The following CLSTN3 variants were observed in gnomAD, a reference collection of about 807,000 sequenced individuals.
CLSTN3 encodes the protein calsyntenin-3.
In CLSTN3, 36 loss-of-function variants were observed where a neutral mutation model predicts 95.9. The ratio of observed to expected loss-of-function variants is 0.38; its 90% CI spans 0.29 to 0.50. The LOEUF (loss-of-function observed/expected upper bound fraction) is 0.50, where lower values mean the gene tolerates loss of function less well. CLSTN3 is among the 20% of genes least tolerant of loss of function. CLSTN3 has a pLI of 0.95. For missense variants in CLSTN3, 1,084 were observed against 1,268.8 expected, an observed-to-expected ratio of 0.85 and a Z score of 2.21; for synonymous variants, 481 against 504.0, an observed-to-expected ratio of 0.95 and a Z score of 0.61.
rs1392462636 is a variant in CLSTN3 at position 7,133,451 on chromosome 12, T to C, written c.188-122T>C. On this transcript the variant is annotated intron_variant, in intron 2 of 17. Coordinates refer to ENST00000266546, the MANE Select transcript of CLSTN3 (RefSeq NM_014718.4). The surrounding 1 kb of genome is among the most constrained non-coding windows in gnomAD (Gnocchi z 4.7). ...TTGCGTGTTTGATCATTAATGCTTT[T>C]GTGCCTACAGGAGAAGGGACAGGGC... The C allele has an allele frequency of 8.2e-6, 8 of 975,566 alleles. No homozygotes were observed. Among genetic ancestry groups the C allele is most frequent in the African/African-American group, 1.6e-5 (1 of 61,382 alleles). The allele number at this position is 975,566 out of a possible 1,614,324, so 60.4% of individuals were successfully genotyped here.
chr12:7,156,731 T>C (rs1221451754), intron 16 of CLSTN3: 1 of 456,672 alleles, frequency 2.2e-6, no homozygotes, highest in Non-Finnish European at 4.4e-6. Context: ...CGCACCGTTC[T>C]GTGTCTCAGT....
intron 12 of CLSTN3, among the ~76,000 whole-genome samples, chr12:7,147,510 C>A (rs1401872648): frequency 1.3e-5 from 1 of 75,810 alleles, no homozygotes; most frequent in Non-Finnish European, 2.2e-5. Flanking sequence ...TCTTTCTTTT[C>A]TTTTCTTCTT....
intron 16 of CLSTN3, among the ~76,000 whole-genome samples, chr12:7,153,423 G>A (rs977356064): frequency 6.6e-6 from 1 of 152,174 alleles, no homozygotes; most frequent in African/African-American, 2.4e-5. Context: ...GGGATTACAG[G>A]TGTGAGCCGC....
chr12:7,143,336 A>T (rs1245236613), intron 12 of CLSTN3, 25 bp downstream of exon 12: 1 of 1,596,860 alleles, frequency 6.3e-7, no homozygotes, highest in Non-Finnish European at 8.5e-7. Context: ...GGGCAGGGCA[A>T]ATCACCAAGC....
intron 12 of CLSTN3, among the ~76,000 whole-genome samples, chr12:7,143,742 G>C (rs527283009): frequency 6.6e-6 from 1 of 152,194 alleles, no homozygotes; most frequent in Non-Finnish European, 1.5e-5. Context: ...GCAAGGTCAC[G>C]TACGATGGCC....
chr12:7,148,616 G>A (rs1056087161), intron 12 of CLSTN3, among the ~76,000 whole-genome samples: 1 of 152,196 alleles, frequency 6.6e-6, no homozygotes, highest in Non-Finnish European at 1.5e-5. Context: ...AACTGTGTGT[G>A]TATATATACC....
In CLSTN3 at chr12:7,141,232, A is replaced by G. The variant is rs760573563; in HGVS notation, c.1324-10A>G. 21 of 1,612,172 alleles carry G rather than the reference A, an allele frequency of 1.3e-5. No individual in the cohort carries two copies. The highest frequency in any genetic ancestry group is 1.8e-5 in the Non-Finnish European group (21 of 1,179,120). On this transcript the variant is annotated splice_polypyrimidine_tract_variant and intron_variant, in intron 8 of 17. Coordinates refer to ENST00000266546, the MANE Select transcript of CLSTN3 (RefSeq NM_014718.4). This position sits in a 1 kb window ranked among gnomAD's most constrained non-coding sequence, Gnocchi z 4.1. ...CCTGAGAGGCTCTTGCCCCTACCCT[A>G]CTCTCCCAGGTCTGTGATGATGAGT...
At chr12:7,154,440 A>G (rs896017264) in intron 16 of CLSTN3, among the ~76,000 whole-genome samples, 2 of 152,170 alleles carry the variant, frequency 1.3e-5, no homozygotes, top group African/African-American at 4.8e-5. Context: ...CTGAACTGTA[A>G]AAGGGATTTT....
At position 7,137,412 on chromosome 12, in the gene CLSTN3, G is replaced by A. The variant is rs933178018; in HGVS notation, c.1210+302G>A. Reference sequence around the variant, plus strand: ...ACCCCCCATCTCCACCTCCATTAAAGCCCCTCCATTGCAATGGGAAAGCCT... The same window carrying A: ...ACCCCCCATCTCCACCTCCATTAAAACCCCTCCATTGCAATGGGAAAGCCT... On this transcript the variant is annotated intron_variant, in intron 7 of 17. Transcript: ENST00000266546. This position sits in a 1 kb window ranked among gnomAD's most constrained non-coding sequence, Gnocchi z 4.4. 9.7e-5 allele frequency: 38 copies of A among 391,312 alleles called. No individual in the cohort carries two copies. Among genetic ancestry groups the A allele is most frequent in the South Asian group, 7.7e-4 (26 of 33,640 alleles). The allele number at this position is 391,312 out of a possible 1,614,324, so 24.2% of individuals were successfully genotyped here.
At chr12:7,153,161 CT>C (rs1465740004) in intron 16 of CLSTN3, among the ~76,000 whole-genome samples, 3 of 152,100 alleles carry the variant, frequency 2.0e-5, no homozygotes, top group Non-Finnish European at 4.4e-5. Context: ...ACCGCAGAGG[CT>C]TTTGGGAGGG....
chr12:7,143,139 G>T, intron 11 of CLSTN3, 24 bp from the exon 12 acceptor site: 1 of 1,609,312 alleles, frequency 6.2e-7, no homozygotes, highest in Non-Finnish European at 8.5e-7. Context: ...CCTGCTCTCA[G>T]CTGTATCTGT....
chr12:7,157,727 A>C lies in CLSTN3; in HGVS notation c.2730+36A>C, dbSNP rs1327289790. ...TGGGGAAGCGGGGTTCTGTAGGGTCAAGACTGTGGAGCACACACGGTGAGG... is the reference window on the plus strand; with the variant it reads ...TGGGGAAGCGGGGTTCTGTAGGGTCCAGACTGTGGAGCACACACGGTGAGG... On this transcript the variant is annotated intron_variant, in intron 17 of 17. Coordinates refer to ENST00000266546, the MANE Select transcript of CLSTN3 (RefSeq NM_014718.4). The surrounding 1 kb of genome is among the most constrained non-coding windows in gnomAD (Gnocchi z 5.9). The C allele has an allele frequency of 4.5e-6, 7 of 1,546,768 alleles. No individual in the cohort carries two copies. In the African/African-American group the frequency reaches 9.6e-5, roughly 21 times the overall value.
In CLSTN3 at chr12:7,150,718, G is replaced by A; in HGVS notation, c.2391+29G>A. ...CCCAGAGAGTCTCCTTCCTTCCACAGTTACCCACCCCCAGAAAGGAGCTGA... is the reference window on the plus strand; with the variant it reads ...CCCAGAGAGTCTCCTTCCTTCCACAATTACCCACCCCCAGAAAGGAGCTGA... On this transcript the variant is annotated intron_variant, in intron 15 of 17. Transcript: ENST00000266546. This position sits in a 1 kb window ranked among gnomAD's most constrained non-coding sequence, Gnocchi z 4.0. 6.2e-7 allele frequency: 1 copy of A among 1,605,028 alleles called. No homozygotes were observed. The highest frequency in any genetic ancestry group is 8.5e-7 in the Non-Finnish European group (1 of 1,172,438).
intron 16 of CLSTN3, among the ~76,000 whole-genome samples, chr12:7,152,058 GAA>G (rs779248525): frequency 4.4e-5 from 3 of 67,904 alleles, no homozygotes; most frequent in South Asian, 4.7e-4. Context: ...TGTCTCAAAG[GAA>G]AAAAAAAAAA....
intron 6 of CLSTN3, 48 bp from the exon 7 acceptor site, chr12:7,136,781 T>C: frequency 1.3e-6 from 2 of 1,598,692 alleles, no homozygotes; most frequent in Non-Finnish European, 8.6e-7. Flanking sequence ...CTTTTCACCA[T>C]CTGCTGCTTC....
intron 1 of CLSTN3, 76 bp from the exon 2 acceptor site, chr12:7,132,948 G>A (rs368483458): frequency 1.3e-6 from 2 of 1,599,114 alleles, no homozygotes; most frequent in African/African-American, 1.3e-5. Context: ...TGAGTTGTCT[G>A]GGTCAACAAG....
Position 7,136,190 on chromosome 12 carries a change from T to C in CLSTN3, c.743-16T>C. On this transcript the variant is annotated splice_polypyrimidine_tract_variant and intron_variant, in intron 5 of 17. Transcript: ENST00000266546. ...CCTTCTCTCTCCCCATCACCCTCTC[T>C]GTCTCACCCATGCAGGCTGGAACAA... 6.2e-7 allele frequency: 1 copy of C among 1,611,238 alleles called. No individual in the cohort carries two copies. The highest frequency in any genetic ancestry group is 1.1e-5 in the South Asian group (1 of 90,596).
rs755469584 is a variant in CLSTN3 at position 7,133,700 on chromosome 12, C to T, written c.315C>T (p.His105=). Residue 105 remains histidine, a synonymous_variant, in exon 3 of 18, where the codon CAC becomes CAT. Transcript: ENST00000266546. The surrounding 1 kb of genome is among the most constrained non-coding windows in gnomAD (Gnocchi z 4.7). The stretch of plus-strand genomic sequence containing the variant: ...TGGACTGCGAGGCCCAGAAGGAACA[C>T]ACCTTCACCATCCAGGCCTATGACT... ...EPVDCEAQKE[H]TFTIQAYDCG... is the part of the protein sequence containing the mutation. 4.3e-6 allele frequency: 7 copies of T among 1,613,864 alleles called. No individual in the cohort carries two copies. In the South Asian group the frequency reaches 4.4e-5, roughly 10 times the overall value.
At chr12:7,138,985 C>A (rs1169296221) in intron 8 of CLSTN3, among the ~76,000 whole-genome samples, 1 of 152,020 alleles carries the variant, frequency 6.6e-6, no homozygotes, top group Non-Finnish European at 1.5e-5. Context: ...TTCTTGATTC[C>A]CCCCTCACAC....
Sources: allele counts gnomAD v4.1 joint callset (sites outside exome capture counted in the v4.1 genomes callset), GRCh38; gene constraint gnomAD v4.1.1; non-coding constraint Gnocchi (gnomAD v3.1); transcripts MANE v1.5; gene names NCBI Gene and HGNC (gene_info 2026-07-23, HGNC 2026-07-21).